ABLIM1: variants seen among roughly 807,000 people sequenced by gnomAD.
ABLIM1 encodes actin-binding LIM protein 1.
In ABLIM1, 40 loss-of-function variants were observed where a neutral mutation model predicts 107.0. The observed-to-expected ratio is 0.37, with a 90% CI of 0.29 to 0.49. The LOEUF (loss-of-function observed/expected upper bound fraction) is 0.49. ABLIM1 is among the 20% of genes least tolerant of loss of function. ABLIM1 has a pLI of 0.97. For synonymous variants in ABLIM1, 357 were observed against 357.3 expected (o/e 1.00, Z 0.01); for missense variants, 857 against 1,008.5 (o/e 0.85, Z 2.04).
the ABLIM1 span, among the ~76,000 whole-genome samples, chr10:114,781,577 T>C: frequency 6.6e-6 from 1 of 150,842 alleles, no homozygotes; most frequent in African/African-American, 2.4e-5. Context: ...TGTATGTATA[T>C]GTGTGTGTGA....
intron 1 of ABLIM1, among the ~76,000 whole-genome samples, chr10:114,766,777 T>C (rs996484851): frequency 6.6e-6 from 1 of 152,218 alleles, no homozygotes; most frequent in Admixed American, 6.5e-5. Flanking sequence ...TCTAAGAACA[T>C]AGTTCAGAGA....
intron 1 of ABLIM1, among the ~76,000 whole-genome samples, chr10:114,636,682 T>C (rs971344368): frequency 6.6e-6 from 1 of 152,190 alleles, no homozygotes; most frequent in Non-Finnish European, 1.5e-5. Context: ...AGTTCACAAC[T>C]AGGTTGTAAG....
At chr10:114,581,678 T>C (rs371080070) in intron 2 of ABLIM1, among the ~76,000 whole-genome samples, 1 of 152,176 alleles carries the variant, frequency 6.6e-6, no homozygotes, top group Middle Eastern at 3.4e-3. Context: ...GGTGGGTCCT[T>C]TCTTCTCTTT....
intron 1 of ABLIM1, among the ~76,000 whole-genome samples, chr10:114,646,102 A>G (rs1324935178): frequency 1.3e-5 from 2 of 152,192 alleles, no homozygotes; most frequent in Non-Finnish European, 2.9e-5. Flanking sequence ...AACACTCCGC[A>G]TATGTATTGT....
At chr10:114,574,363 A>G (rs899370348) in intron 3 of ABLIM1, among the ~76,000 whole-genome samples, 36 of 152,276 alleles carry the variant, frequency 2.4e-4, no homozygotes, top group Non-Finnish European at 4.6e-4. Context: ...AAACACAAAA[A>G]CCACAAAAAG....
At chr10:114,679,786 C>T (rs2080664559) in intron 1 of ABLIM1, among the ~76,000 whole-genome samples, 2 of 152,086 alleles carry the variant, frequency 1.3e-5, no homozygotes, top group Admixed American at 1.3e-4. Context: ...AGAAGTCAGG[C>T]CAGAAAAACT....
intron 1 of ABLIM1, among the ~76,000 whole-genome samples, chr10:114,737,290 C>T (rs1374787479): frequency 6.6e-6 from 1 of 152,152 alleles, no homozygotes; most frequent in Non-Finnish European, 1.5e-5. Context: ...CTGGGCAACA[C>T]AGCAAGACCC....
intron 6 of ABLIM1, among the ~76,000 whole-genome samples, chr10:114,542,900 C>G (rs764380949): frequency 5.3e-5 from 8 of 152,210 alleles, no homozygotes; most frequent in Non-Finnish European, 8.8e-5. Context: ...TCTCCAACAG[C>G]CTTCCTGGGG....
At chr10:114,488,321 CTTA>C (rs1373851260) in intron 7 of ABLIM1, among the ~76,000 whole-genome samples, 1 of 151,738 alleles carries the variant, frequency 6.6e-6, no homozygotes, top group Non-Finnish European at 1.5e-5. Context: ...ATTTTTAAAC[CTTA>C]TTATCATCCT....
chr10:114,602,013 AG>A, intron 1 of ABLIM1, 52 bp from the exon 2 acceptor site: 1 of 1,605,692 alleles, frequency 6.2e-7, no homozygotes. Context: ...TTCCTGCAAA[AG>A]GGGTCATCAT....
intron 1 of ABLIM1, among the ~76,000 whole-genome samples, chr10:114,766,641 G>A (rs1250916431): frequency 6.6e-6 from 1 of 152,112 alleles, no homozygotes; most frequent in Non-Finnish European, 1.5e-5. Context: ...TGCACTAACA[G>A]GTTTGGGTGC....
chr10:114,675,189 G>A (rs779819118), intron 1 of ABLIM1, among the ~76,000 whole-genome samples: 5 of 152,028 alleles, frequency 3.3e-5, no homozygotes, highest in Non-Finnish European at 7.4e-5. Flanking sequence ...GCCCCATGTT[G>A]ATGACTCCCA....
At chr10:114,718,861 A>G (rs923599843) in intron 1 of ABLIM1, among the ~76,000 whole-genome samples, 3 of 152,240 alleles carry the variant, frequency 2.0e-5, no homozygotes, top group African/African-American at 7.2e-5. Flanking sequence ...TATGAAATGA[A>G]TAAGATAAAT....
intron 6 of ABLIM1, among the ~76,000 whole-genome samples, chr10:114,529,126 C>CTTT (rs548411103): frequency 7.1e-6 from 1 of 140,364 alleles, no homozygotes; most frequent in Non-Finnish European, 1.6e-5. Context: ...TCTTCATCCT[C>CTTT]TTTTTTTTTT....
the ABLIM1 span, among the ~76,000 whole-genome samples, chr10:114,780,092 T>C: frequency 2.0e-5 from 3 of 152,094 alleles, no homozygotes; most frequent in Non-Finnish European, 2.9e-5. Flanking sequence ...AAATCAACTC[T>C]CTATAAAAGC....
At chr10:114,700,485 A>G (rs1382243578) in intron 1 of ABLIM1, among the ~76,000 whole-genome samples, 1 of 143,064 alleles carries the variant, frequency 7.0e-6, no homozygotes, top group Non-Finnish European at 1.5e-5. Context: ...TGCCAAAAAC[A>G]ATTAAAACAC....
intron 1 of ABLIM1, among the ~76,000 whole-genome samples, chr10:114,742,211 A>AT (rs1035380354): frequency 3.3e-4 from 51 of 152,272 alleles, no homozygotes; most frequent in African/African-American, 1.2e-3. Context: ...CTCTTTTGCG[A>AT]TTTTGCATTA....
At chr10:114,438,821 G>C (rs2059783962) in intron 21 of ABLIM1, among the ~76,000 whole-genome samples, 1 of 152,230 alleles carries the variant, frequency 6.6e-6, no homozygotes, top group African/African-American at 2.4e-5. Flanking sequence ...TTCTTGAAAT[G>C]CAGGGCTTTC....
chr10:114,686,837 G>A (rs2080951782), upstream of ABLIM1, among the ~76,000 whole-genome samples: 1 of 151,696 alleles, frequency 6.6e-6, no homozygotes. Context: ...ATATTGCCCA[G>A]GCTGGTCTCA....
Sources: allele counts gnomAD v4.1 joint callset (sites outside exome capture counted in the v4.1 genomes callset), GRCh38; gene constraint gnomAD v4.1.1; transcripts MANE v1.5; gene names NCBI Gene and HGNC (gene_info 2026-07-23, HGNC 2026-07-21).